Variants in ARNT2 observed in about 807,000 individuals in gnomAD.
ARNT2 encodes the protein aryl hydrocarbon receptor nuclear translocator 2.
Under a neutral mutation model 91.7 loss-of-function variants are expected in ARNT2, and 36 were observed. That is an observed-to-expected ratio of 0.39 (90% confidence interval 0.30 to 0.52). The LOEUF (loss-of-function observed/expected upper bound fraction) is 0.52. ARNT2 is among the 20% of genes least tolerant of loss of function. The pLI is 0.72. For missense variants in ARNT2, 775 were observed against 939.3 expected, an observed-to-expected ratio of 0.83 and a Z score of 2.29; for synonymous variants, 365 against 347.1, an observed-to-expected ratio of 1.05 and a Z score of -0.57.
chr15:80,498,151 T>C (rs1353014836), intron 5 of ARNT2, among the ~76,000 whole-genome samples: 1 of 152,188 alleles, frequency 6.6e-6, no homozygotes, highest in African/African-American at 2.4e-5. Context: ...CTGGAACAAG[T>C]TCTACCCTGA....
intron 8 of ARNT2, among the ~76,000 whole-genome samples, chr15:80,541,802 G>A (rs11856273): frequency 0.4 from 60,074 of 152,056 alleles, 12,539 homozygotes; most frequent in African/African-American, 0.51. Flanking sequence ...CTGCCCTGTC[G>A]TAGAGGCATT....
At chr15:80,513,795 G>T in intron 6 of ARNT2, 116 bp from the exon 7 acceptor site, 1 of 840,092 alleles carries the variant, frequency 1.2e-6, no homozygotes, top group Non-Finnish European at 2.0e-6. Flanking sequence ...GGCTATAGGC[G>T]TCACCTGAAT....
intron 8 of ARNT2, among the ~76,000 whole-genome samples, chr15:80,539,740 AAAAATGTATGAAC>A (rs1474700630): frequency 2.0e-5 from 3 of 152,076 alleles, no homozygotes; most frequent in Non-Finnish European, 4.4e-5. Flanking sequence ...GAAATGGCCA[AAAAATGTATGAAC>A]AAAATGCTCA....
At chr15:80,504,418 C>G (rs1897243082) in intron 5 of ARNT2, among the ~76,000 whole-genome samples, 1 of 152,160 alleles carries the variant, frequency 6.6e-6, no homozygotes, top group South Asian at 2.1e-4. Context: ...ATTGTCCGGG[C>G]TAAATGAATA....
intron 8 of ARNT2, among the ~76,000 whole-genome samples, chr15:80,518,277 CTTTTT>C (rs56726705): frequency 1.1e-5 from 1 of 89,352 alleles, no homozygotes; most frequent in African/African-American, 4.6e-5. Flanking sequence ...TTTTTCTATT[CTTTTT>C]TTTTTTTTTT....
rs1056081003 is a variant in ARNT2 at position 80,509,789 on chromosome 15, G to T, written c.725+1531G>T. Among the ~76,000 whole-genome samples, 15 of 152,312 alleles carry T rather than the reference G, an allele frequency of 9.8e-5. 2 individuals carry two copies. The highest frequency in any genetic ancestry group is 2.0e-4 in the Admixed American group (3 of 15,306). ...AGGGAATAGCAAGTGCAAAGGCCTG[G>T]AGGCAGGGATGGTCTTGGCATGTTC... On this transcript the variant is annotated intron_variant, in intron 6 of 18. Transcript: ENST00000303329.
chr15:80,534,698 C>T (rs1290028702), intron 8 of ARNT2, among the ~76,000 whole-genome samples: 1 of 152,160 alleles, frequency 6.6e-6, no homozygotes, highest in Non-Finnish European at 1.5e-5. Context: ...CCAGCCATTC[C>T]CCACTGGGAA....
At position 80,457,995 on chromosome 15, in the gene ARNT2, CCTTAGA is replaced by C. The variant is rs1896503511; in HGVS notation, c.194+24_194+29del. ...TTTCAAGGTAAGTTTATTTTATTTT[CCTTAGA>C]CTTAAAGAAGGCAATAGCCAGCATT... On this transcript the variant is annotated intron_variant, in intron 3 of 18. Coordinates refer to ENST00000303329, the MANE Select transcript of ARNT2 (RefSeq NM_014862.4). 5 of 1,609,644 alleles carry C rather than the reference CCTTAGA, an allele frequency of 3.1e-6. No homozygotes were observed. The African/African-American group carries it at 6.7e-5, about 22-fold the overall frequency.
intron 8 of ARNT2, among the ~76,000 whole-genome samples, chr15:80,519,669 T>A (rs988765367): frequency 6.8e-6 from 1 of 147,998 alleles, no homozygotes; most frequent in Non-Finnish European, 1.5e-5. Context: ...GAACAAATTG[T>A]GGGGAGGTAT....
At chr15:80,530,087 A>AT (rs1000994222) in intron 8 of ARNT2, among the ~76,000 whole-genome samples, 3 of 151,646 alleles carry the variant, frequency 2.0e-5, no homozygotes, top group African/African-American at 4.9e-5. Flanking sequence ...TAGGCTTGTG[A>AT]TTTTTTTTCC....
intron 1 of ARNT2, among the ~76,000 whole-genome samples, chr15:80,437,207 G>A (rs1317773252): frequency 6.6e-6 from 1 of 152,142 alleles, no homozygotes; most frequent in Non-Finnish European, 1.5e-5. Context: ...AAGTCACGAG[G>A]TTGTGAAGGG....
chr15:80,588,621 C>T (rs1430807541), intron 17 of ARNT2, among the ~76,000 whole-genome samples: 1 of 152,162 alleles, frequency 6.6e-6, no homozygotes, highest in East Asian at 1.9e-4. Context: ...CCTGAGCCAC[C>T]TGTAGATGCC....
intron 5 of ARNT2, among the ~76,000 whole-genome samples, chr15:80,494,523 C>A (rs1459741559): frequency 6.6e-6 from 1 of 152,192 alleles, no homozygotes; most frequent in Non-Finnish European, 1.5e-5. Flanking sequence ...CACACTTCAG[C>A]ATATTCTAAA....
intron 12 of ARNT2, among the ~76,000 whole-genome samples, chr15:80,572,858 C>T (rs919663883): frequency 6.6e-6 from 1 of 152,188 alleles, no homozygotes; most frequent in Non-Finnish European, 1.5e-5. Context: ...TTTCATCATA[C>T]CTTCCTGTGT....
chr15:80,489,700 G>A (rs1400478064), intron 5 of ARNT2, among the ~76,000 whole-genome samples: 1 of 152,226 alleles, frequency 6.6e-6, no homozygotes, highest in Non-Finnish European at 1.5e-5. Context: ...CACTGGAACA[G>A]TGCACTTGTA....
intron 2 of ARNT2, 102 bp from the exon 3 acceptor site, chr15:80,457,827 A>G (rs898733687): frequency 8.1e-7 from 1 of 1,236,848 alleles, no homozygotes; most frequent in African/African-American, 1.5e-5. Context: ...ATCAATGGAT[A>G]GCAGTCCTAG....
Position 80,581,145 on chromosome 15 carries a change from C to A in ARNT2, c.1753-94C>A, listed in dbSNP as rs761131330. 22 of 1,458,830 alleles carry A rather than the reference C, an allele frequency of 1.5e-5. 1 individual carries two copies. The highest frequency in any genetic ancestry group is 2.1e-5 in the Non-Finnish European group (22 of 1,054,226). The allele number at this position is 1,458,830 out of a possible 1,614,324, so 90.4% of individuals were successfully genotyped here. A position where few individuals can be genotyped will look rare whatever the true frequency, so the allele number is the denominator to read the frequency against. On this transcript the variant is annotated intron_variant, in intron 16 of 18. Transcript: ENST00000303329. Reference sequence around the variant, plus strand: ...ATGGGGAGTCACTGTCAACCCAGAGCAGGCACTGCCCCTGCGACCAGCCTG... The same window carrying A: ...ATGGGGAGTCACTGTCAACCCAGAGAAGGCACTGCCCCTGCGACCAGCCTG...
At chr15:80,504,995 C>G (rs1897254036) in intron 5 of ARNT2, among the ~76,000 whole-genome samples, 1 of 152,110 alleles carries the variant, frequency 6.6e-6, no homozygotes. Flanking sequence ...GTCTGCGGGA[C>G]TTGGATTTTC....
chr15:80,412,932 C>T (rs779256569), intron 1 of ARNT2, among the ~76,000 whole-genome samples: 16 of 152,312 alleles, frequency 1.1e-4, no homozygotes, highest in Non-Finnish European at 1.3e-4. Context: ...TACACCCAGA[C>T]GCTGTGCCCC....
Sources: allele counts gnomAD v4.1 joint callset (sites outside exome capture counted in the v4.1 genomes callset), GRCh38; gene constraint gnomAD v4.1.1; transcripts MANE v1.5; gene names NCBI Gene and HGNC (gene_info 2026-07-23, HGNC 2026-07-21).